DCC: variants seen among roughly 807,000 people sequenced by gnomAD.
DCC encodes the protein netrin receptor DCC.
A neutral mutation model predicts 172.5 loss-of-function variants in DCC; 58 were observed. The observed-to-expected ratio is 0.34, with a 90% CI of 0.27 to 0.42. The LOEUF is 0.42. Among genes scored for constraint, DCC ranks in the 10% least tolerant of loss-of-function variants. The pLI, the probability that DCC is intolerant of heterozygous loss-of-function variation, is 1.00. For missense variants in DCC, 1,740 were observed against 1,791.0 expected, an observed-to-expected ratio of 0.97 and a Z score of 0.51; for synonymous variants, 709 against 644.5, an observed-to-expected ratio of 1.10 and a Z score of -1.52.
chr18:53,516,656 T>A (rs1234255542), intron 27 of DCC, among the ~76,000 whole-genome samples: 1 of 150,918 alleles, frequency 6.6e-6, no homozygotes, highest in African/African-American at 2.5e-5. Flanking sequence ...CAGACACTTC[T>A]CAAAAGAACA....
At chr18:53,175,001 G>A (rs963650932) in intron 8 of DCC, among the ~76,000 whole-genome samples, 8 of 152,062 alleles carry the variant, frequency 5.3e-5, no homozygotes, top group African/African-American at 1.7e-4. Flanking sequence ...CTTCATCCCT[G>A]GGATGCAAGG....
At chr18:52,868,215 A>T (rs1379524404) in intron 2 of DCC, among the ~76,000 whole-genome samples, 2 of 152,032 alleles carry the variant, frequency 1.3e-5, no homozygotes, top group African/African-American at 2.4e-5. Context: ...TTACTGGTGT[A>T]CTTGTTCTAA....
chr18:52,927,607 C>A (rs977053644), intron 5 of DCC, among the ~76,000 whole-genome samples: 5 of 151,964 alleles, frequency 3.3e-5, no homozygotes, highest in African/African-American at 9.6e-5. Context: ...TCTAGTGAAC[C>A]TTGACTAGTG....
At chr18:53,175,820 A>G (rs916599748) in intron 8 of DCC, among the ~76,000 whole-genome samples, 7 of 151,982 alleles carry the variant, frequency 4.6e-5, no homozygotes, top group Non-Finnish European at 1.0e-4. Context: ...AGAATTGGAA[A>G]AAACTACTTT....
At chr18:53,434,458 T>C (rs971905924) in intron 21 of DCC, among the ~76,000 whole-genome samples, 16 of 152,334 alleles carry the variant, frequency 1.1e-4, no homozygotes, top group African/African-American at 2.9e-4. Flanking sequence ...TTATTTCTGG[T>C]GAATTCCTGG....
chr18:52,738,675 C>T (rs983191518), intron 1 of DCC, among the ~76,000 whole-genome samples: 3 of 151,854 alleles, frequency 2.0e-5, no homozygotes, highest in Admixed American at 1.3e-4. Context: ...TCTTCCATAA[C>T]AAATTCACCT....
At chr18:53,091,252 C>G (rs2043004530) in intron 7 of DCC, among the ~76,000 whole-genome samples, 1 of 151,270 alleles carries the variant, frequency 6.6e-6, no homozygotes, top group Non-Finnish European at 1.5e-5. Context: ...TTTCATCTCT[C>G]TCAAACCCTG....
At chr18:52,717,347 C>T (rs1223629353) in intron 1 of DCC, among the ~76,000 whole-genome samples, 1 of 151,396 alleles carries the variant, frequency 6.6e-6, no homozygotes, top group Non-Finnish European at 1.5e-5. Flanking sequence ...GGTAGCTTAT[C>T]ATTCATTTAA....
intron 5 of DCC, among the ~76,000 whole-genome samples, chr18:53,056,940 T>C (rs1329530647): frequency 5.3e-5 from 8 of 152,030 alleles, no homozygotes; most frequent in Non-Finnish European, 1.2e-4. Flanking sequence ...GGTAATTCTT[T>C]GGAATATAGT....
At chr18:53,432,740 CATTATT>C (rs3059177) in intron 21 of DCC, among the ~76,000 whole-genome samples, 3 of 150,650 alleles carry the variant, frequency 2.0e-5, no homozygotes, top group South Asian at 2.1e-4. Flanking sequence ...AATCTTTTAT[CATTATT>C]ATTATTATTA....
chr18:52,667,299 C>T (rs2035473568), intron 1 of DCC, among the ~76,000 whole-genome samples: 1 of 152,226 alleles, frequency 6.6e-6, no homozygotes, highest in Non-Finnish European at 1.5e-5. Flanking sequence ...GTGACAATGT[C>T]ATCCAAGCAT....
chr18:52,656,281 C>T (rs1044910791), intron 1 of DCC, among the ~76,000 whole-genome samples: 6 of 151,652 alleles, frequency 4.0e-5, no homozygotes, highest in African/African-American at 1.2e-4. Context: ...GAATATGATT[C>T]GTGCCCTTAT....
At chr18:52,995,478 G>A (rs1257844226) in intron 5 of DCC, among the ~76,000 whole-genome samples, 1 of 74,566 alleles carries the variant, frequency 1.3e-5, no homozygotes, top group Admixed American at 1.2e-4. Flanking sequence ...AGAGAAGAAA[G>A]TTTTTTGTTT....
At chr18:53,178,932 T>C in intron 8 of DCC, 30 bp from the exon 9 acceptor site, 8 of 1,613,634 alleles carry the variant, frequency 5.0e-6, no homozygotes, top group Non-Finnish European at 6.8e-6. Context: ...CTTTTTGGAA[T>C]AATCTTTCTC....
At chr18:53,424,883 C>T (rs921076017) in intron 21 of DCC, among the ~76,000 whole-genome samples, 6 of 152,102 alleles carry the variant, frequency 3.9e-5, no homozygotes, top group Non-Finnish European at 7.4e-5. Flanking sequence ...CTGGGGCTTT[C>T]CTACTTTTCA....
intron 1 of DCC, among the ~76,000 whole-genome samples, chr18:52,518,450 C>T (rs188560941): frequency 4.7e-4 from 72 of 152,228 alleles, no homozygotes; most frequent in African/African-American, 1.5e-3. Flanking sequence ...TTGGGTTGAA[C>T]GGATTAGAAT....
intron 5 of DCC, among the ~76,000 whole-genome samples, chr18:53,044,932 A>G (rs946149506): frequency 5.3e-5 from 8 of 151,872 alleles, no homozygotes; most frequent in African/African-American, 1.9e-4. Flanking sequence ...ATATGTATGC[A>G]TGATTCACAA....
At chr18:52,822,157 T>C (rs975523407) in intron 2 of DCC, among the ~76,000 whole-genome samples, 5 of 152,218 alleles carry the variant, frequency 3.3e-5, no homozygotes, top group African/African-American at 1.2e-4. Context: ...GCCATTAATC[T>C]GGATCCGTAT....
chr18:53,008,895 A>T (rs1224697437), intron 5 of DCC, among the ~76,000 whole-genome samples: 1 of 152,022 alleles, frequency 6.6e-6, no homozygotes, highest in Admixed American at 6.6e-5. Flanking sequence ...ATCACTAATT[A>T]AAATAGTGTA....
Sources: allele counts gnomAD v4.1 joint callset (sites outside exome capture counted in the v4.1 genomes callset), GRCh38; gene constraint gnomAD v4.1.1; transcripts MANE v1.5; gene names NCBI Gene and HGNC (gene_info 2026-07-23, HGNC 2026-07-21).